The following CHD6 variants were observed in gnomAD, a reference collection of about 807,000 sequenced individuals.
CHD6 encodes ATP-dependent chromatin remodeler CHD6.
In CHD6, 50 loss-of-function variants were observed where a neutral mutation model predicts 276.9. The ratio of observed to expected loss-of-function variants is 0.18; its 90% confidence interval spans 0.14 to 0.23. The LOEUF (loss-of-function observed/expected upper bound fraction) is 0.23. CHD6 is among the 10% of genes least tolerant of loss of function. The pLI, the probability that CHD6 is intolerant of heterozygous loss-of-function variation, is 1.00. For missense variants in CHD6, 2,564 were observed against 3,365.8 expected (o/e 0.76, Z 5.89); for synonymous variants, 1,173 against 1,229.3 (o/e 0.95, Z 0.96).
At chr20:41,551,231 G>T in intron 2 of CHD6, 74 bp downstream of exon 2, 2 of 949,872 alleles carry the variant, frequency 2.1e-6, no homozygotes, top group Non-Finnish European at 1.7e-6. Context: ...AGCCAACACT[G>T]CCAGTGTCTC....
At chr20:41,592,386 G>C (rs764336133) in intron 1 of CHD6, among the ~76,000 whole-genome samples, 3 of 152,192 alleles carry the variant, frequency 2.0e-5, no homozygotes, top group Non-Finnish European at 2.9e-5. Flanking sequence ...CATTTAATTT[G>C]CTGGAGTAAT....
intron 16 of CHD6, among the ~76,000 whole-genome samples, chr20:41,475,834 G>A: frequency 6.6e-6 from 1 of 152,160 alleles, no homozygotes; most frequent in East Asian, 1.9e-4. Flanking sequence ...AATACATAGT[G>A]ATGATACAGC....
chr20:41,422,042 AGTGATG>A lies in CHD6; in HGVS notation c.4587_4592del (p.Ile1530_Thr1531del). On this transcript the variant is annotated inframe_deletion, in exon 31 of 37. Coordinates refer to ENST00000373233, the MANE Select transcript of CHD6 (RefSeq NM_032221.5). ...ACAGAGTTCTTGCAGCACGTTCCTC[AGTGATG>A]GGTTCAACGTAGATGGTGGTATCTG... 1 of 1,613,944 alleles carries A rather than the reference AGTGATG, an allele frequency of 6.2e-7. No homozygotes were observed. The highest frequency in any genetic ancestry group is 8.5e-7 in the Non-Finnish European group (1 of 1,179,896).
At chr20:41,542,641 C>T (rs904157471) in intron 2 of CHD6, among the ~76,000 whole-genome samples, 4 of 151,548 alleles carry the variant, frequency 2.6e-5, no homozygotes, top group Admixed American at 6.6e-5. Context: ...TGCAGGGAGC[C>T]GAGATCGCAC....
chr20:41,439,571 T>C (rs2047833986), intron 26 of CHD6, among the ~76,000 whole-genome samples: 1 of 152,218 alleles, frequency 6.6e-6, no homozygotes, highest in Admixed American at 6.5e-5. Context: ...GCTCATGGAC[T>C]ATGCAATCCT....
intron 34 of CHD6, chr20:41,414,894 T>A: frequency 7.9e-7 from 1 of 1,271,462 alleles, no homozygotes; most frequent in South Asian, 2.0e-5. Flanking sequence ...TGCTCTGCCG[T>A]GCCGTCAACA....
At chr20:41,457,457 C>A (rs763539624) in intron 17 of CHD6, 29 bp from the exon 18 acceptor site, 1 of 1,596,254 alleles carries the variant, frequency 6.3e-7, no homozygotes, top group Non-Finnish European at 8.6e-7. Flanking sequence ...ATATGCATCA[C>A]GTCACCGTAT....
intron 17 of CHD6, among the ~76,000 whole-genome samples, chr20:41,461,034 T>C (rs2048530922): frequency 6.6e-6 from 1 of 152,156 alleles, no homozygotes; most frequent in Non-Finnish European, 1.5e-5. Flanking sequence ...TCAAAGGAGA[T>C]CATTTTGGAG....
chr20:41,498,637 T>C (rs1277599644), intron 6 of CHD6, among the ~76,000 whole-genome samples: 4 of 152,104 alleles, frequency 2.6e-5, no homozygotes, highest in African/African-American at 9.7e-5. Context: ...ATTCTTGAAG[T>C]AAAGATGAAG....
intron 13 of CHD6, 39 bp from the exon 14 acceptor site, chr20:41,487,847 C>A (rs1369188277): frequency 6.3e-7 from 1 of 1,579,736 alleles, no homozygotes; most frequent in African/African-American, 1.4e-5. Flanking sequence ...AGTGCTTGAG[C>A]CATCAAAATA....
intron 23 of CHD6, among the ~76,000 whole-genome samples, chr20:41,450,529 C>A (rs2048205060): frequency 6.6e-6 from 1 of 151,784 alleles, no homozygotes; most frequent in South Asian, 2.1e-4. Context: ...AGCATACTAT[C>A]TCAAATGCAT....
At chr20:41,566,130 A>G (rs2045352884) in intron 1 of CHD6, among the ~76,000 whole-genome samples, 1 of 152,200 alleles carries the variant, frequency 6.6e-6, no homozygotes, top group African/African-American at 2.4e-5. Context: ...TTCCAATTTA[A>G]CTGGTCTGAG....
chr20:41,441,907 C>T (rs1418448490), intron 25 of CHD6, among the ~76,000 whole-genome samples: 1 of 152,198 alleles, frequency 6.6e-6, no homozygotes, highest in Non-Finnish European at 1.5e-5. Context: ...ATACTAAAGT[C>T]TGTATGTCAA....
chr20:41,437,265 T>G lies in CHD6; in HGVS notation c.4068+9A>C. 1 of 1,606,964 alleles carries G rather than the reference T, an allele frequency of 6.2e-7. No individual in the cohort carries two copies. ...GGTGTAAATGACCAATACTGCACAT[T>G]TGACTCACCGTTTGTTTCTGGAGGC... On this transcript the variant is annotated intron_variant, in intron 27 of 36. Coordinates refer to ENST00000373233, the MANE Select transcript of CHD6 (RefSeq NM_032221.5).
intron 17 of CHD6, among the ~76,000 whole-genome samples, chr20:41,472,150 A>G (rs1346115429): frequency 6.6e-6 from 1 of 151,912 alleles, no homozygotes; most frequent in Non-Finnish European, 1.5e-5. Flanking sequence ...AAGAGGCAAG[A>G]GAATCGCTTG....
intron 1 of CHD6, among the ~76,000 whole-genome samples, chr20:41,593,313 T>G (rs532478472): frequency 5.9e-5 from 9 of 152,306 alleles, no homozygotes; most frequent in Admixed American, 5.2e-4. Context: ...CACATGGCCT[T>G]TACACTTTGG....
In CHD6 at chr20:41,535,519, C is replaced by A. The variant is rs182695712; in HGVS notation, c.34-1949G>T. 1.1e-3 allele frequency among the ~76,000 whole-genome samples: 170 copies of A among 152,264 alleles called. 1 individual carries two copies. The highest frequency in any genetic ancestry group is 3.9e-3 in the African/African-American group (164 of 41,552). On this transcript the variant is annotated intron_variant, in intron 2 of 36. Transcript: ENST00000373233. Reference sequence around the variant, plus strand: ...CATTGTATGACCTCCTGGGGAACTACAATGATTGCTAGGCCATGAGACCAG... The same window carrying A: ...CATTGTATGACCTCCTGGGGAACTAAAATGATTGCTAGGCCATGAGACCAG...
chr20:41,439,447 CAA>C (rs991913599), intron 26 of CHD6, among the ~76,000 whole-genome samples: 2 of 151,996 alleles, frequency 1.3e-5, no homozygotes, highest in African/African-American at 4.8e-5. Context: ...GTATTTATGT[CAA>C]GAGTAAATAA....
intron 1 of CHD6, among the ~76,000 whole-genome samples, chr20:41,606,691 T>G (rs1335483467): frequency 1.4e-4 from 19 of 135,892 alleles, no homozygotes; most frequent in Admixed American, 1.3e-3. Flanking sequence ...AAAAAAAAAC[T>G]TATCTCCTAG....
Sources: allele counts gnomAD v4.1 joint callset (sites outside exome capture counted in the v4.1 genomes callset), GRCh38; gene constraint gnomAD v4.1.1; transcripts MANE v1.5; gene names NCBI Gene and HGNC (gene_info 2026-07-23, HGNC 2026-07-21).